Variants in KAZN observed in about 807,000 individuals in gnomAD.
KAZN encodes the protein kazrin.
In KAZN, 40 loss-of-function variants were observed where a neutral mutation model predicts 87.4. That is an observed-to-expected ratio of 0.46 (90% confidence interval 0.36 to 0.60). The LOEUF (loss-of-function observed/expected upper bound fraction) is 0.60, where lower values mean the gene tolerates loss of function less well. KAZN is among the 20% of genes least tolerant of loss of function. The probability of loss-of-function intolerance (pLI) is 0.00; values close to 1 mark genes in which losing one functional copy is unlikely to be tolerated. For missense variants in KAZN, 898 were observed against 1,073.9 expected, an observed-to-expected ratio of 0.84 and a Z score of 2.29; for synonymous variants, 466 against 458.3, an observed-to-expected ratio of 1.02 and a Z score of -0.22.
intron 4 of KAZN, among the ~76,000 whole-genome samples, chr1:15,055,429 C>T (rs561880873): frequency 6.6e-6 from 1 of 152,192 alleles, no homozygotes; most frequent in East Asian, 1.9e-4. Context: ...GTGAGCTGAG[C>T]CACTGCACTC....
intron 1 of KAZN, among the ~76,000 whole-genome samples, chr1:14,062,412 T>A (rs1642831211): frequency 6.6e-6 from 1 of 152,162 alleles, no homozygotes; most frequent in Non-Finnish European, 1.5e-5. Flanking sequence ...CCCACTGAGA[T>A]CTTAAACTTA....
chr1:14,779,188 A>T (rs1472601542), intron 1 of KAZN, among the ~76,000 whole-genome samples: 2 of 152,238 alleles, frequency 1.3e-5, no homozygotes, highest in African/African-American at 2.4e-5. Flanking sequence ...ACATGGCGAA[A>T]GACCATGTGC....
chr1:15,002,290 G>A (rs1024658909), intron 2 of KAZN, among the ~76,000 whole-genome samples: 3 of 152,212 alleles, frequency 2.0e-5, no homozygotes, highest in African/African-American at 7.2e-5. Context: ...TGTCAAAGGG[G>A]AATCAGAACA....
At chr1:14,205,896 A>AAAAAAAAAAAAAAAC (rs1386018632) in intron 2 of KAZN, among the ~76,000 whole-genome samples, 2 of 61,262 alleles carry the variant, frequency 3.3e-5, no homozygotes, top group Non-Finnish European at 5.8e-5. Context: ...AAAAAAAAAA[A>AAAAAAAAAAAAAAAC]AAAAAAAAAA....
chr1:14,114,475 C>T (rs554455612), intron 1 of KAZN, among the ~76,000 whole-genome samples: 1 of 152,192 alleles, frequency 6.6e-6, no homozygotes, highest in South Asian at 2.1e-4. Context: ...CCCCCTATTC[C>T]AGGCATCCAG....
intron 1 of KAZN, among the ~76,000 whole-genome samples, chr1:14,711,633 G>A (rs979307048): frequency 1.3e-5 from 2 of 152,144 alleles, no homozygotes; most frequent in African/African-American, 4.8e-5. Flanking sequence ...TGCTCCCGTC[G>A]ATGAAGCAGT....
At chr1:14,487,569 C>T (rs959179319) in intron 2 of KAZN, among the ~76,000 whole-genome samples, 2 of 152,090 alleles carry the variant, frequency 1.3e-5, no homozygotes, top group African/African-American at 4.8e-5. Context: ...GGGGCTGGAG[C>T]CAAAGACTTT....
At chr1:14,909,760 T>C (rs1329422883) in intron 1 of KAZN, among the ~76,000 whole-genome samples, 1 of 152,204 alleles carries the variant, frequency 6.6e-6, no homozygotes, top group East Asian at 1.9e-4. Flanking sequence ...CATAAATGCA[T>C]GATGGCCAGG....
At chr1:14,835,610 T>C (rs1647211016) in intron 1 of KAZN, among the ~76,000 whole-genome samples, 1 of 152,170 alleles carries the variant, frequency 6.6e-6, no homozygotes, top group South Asian at 2.1e-4. Context: ...AATTGCACCG[T>C]AATAGAAGAG....
intron 1 of KAZN, among the ~76,000 whole-genome samples, chr1:14,650,520 T>G (rs1247436544): frequency 6.6e-6 from 1 of 152,164 alleles, no homozygotes; most frequent in African/African-American, 2.4e-5. Flanking sequence ...CACTCCAGCC[T>G]GGGGGATAGA....
intron 1 of KAZN, among the ~76,000 whole-genome samples, chr1:14,809,705 A>G (rs573795771): frequency 6.6e-6 from 1 of 152,302 alleles, no homozygotes; most frequent in South Asian, 2.1e-4. Context: ...TTGGAGGGCT[A>G]GGGTATGAAG....
At chr1:13,949,185 A>G (rs537495415) in intron 1 of KAZN, among the ~76,000 whole-genome samples, 29 of 152,156 alleles carry the variant, frequency 1.9e-4, no homozygotes, top group Non-Finnish European at 1.6e-4. Flanking sequence ...AGTTACTCTC[A>G]AGATTTTTAT....
chr1:13,961,631 A>C (rs999737915), intron 1 of KAZN, among the ~76,000 whole-genome samples: 1 of 152,190 alleles, frequency 6.6e-6, no homozygotes, highest in African/African-American at 2.4e-5. Context: ...TGAGAGTCAA[A>C]GATTCTAGAG....
chr1:14,390,759 G>C (rs754779879), intron 2 of KAZN: 1 of 152,304 alleles, frequency 6.6e-6, no homozygotes, highest in Non-Finnish European at 1.5e-5. Flanking sequence ...ATCCTCCCAG[G>C]AAGGAAGGTA....
chr1:15,112,373 G>C, intron 13 of KAZN, 54 bp from the exon 14 acceptor site: 3 of 773,394 alleles, frequency 3.9e-6, no homozygotes, highest in African/African-American at 3.6e-5. Flanking sequence ...GTGTGTGTGT[G>C]TCTGGGGAGC....
chr1:14,818,271 A>G (rs1646632294), intron 1 of KAZN, among the ~76,000 whole-genome samples: 1 of 152,220 alleles, frequency 6.6e-6, no homozygotes, highest in African/African-American at 2.4e-5. Context: ...AACCAGTCCC[A>G]TGTGTATTGC....
chr1:14,620,335 C>T (rs748624174), intron 1 of KAZN, among the ~76,000 whole-genome samples: 6 of 152,206 alleles, frequency 3.9e-5, no homozygotes, highest in Non-Finnish European at 8.8e-5. Context: ...GTATTCAATG[C>T]GTTCATTCAC....
chr1:14,396,528 A>G (rs570816453), intron 2 of KAZN, among the ~76,000 whole-genome samples: 1 of 152,340 alleles, frequency 6.6e-6, no homozygotes, highest in Admixed American at 6.5e-5. Flanking sequence ...TCACTCCCCT[A>G]ACACGTGAGA....
At chr1:14,505,221 T>C (rs1020103489) in intron 2 of KAZN, among the ~76,000 whole-genome samples, 10 of 152,128 alleles carry the variant, frequency 6.6e-5, no homozygotes, top group African/African-American at 2.2e-4. Flanking sequence ...AAAAGGCTCA[T>C]GGGCCAGCCG....
Sources: allele counts gnomAD v4.1 joint callset (sites outside exome capture counted in the v4.1 genomes callset), GRCh38; gene constraint gnomAD v4.1.1; transcripts MANE v1.5; gene names NCBI Gene and HGNC (gene_info 2026-07-23, HGNC 2026-07-21).